The following BSND variants were observed in gnomAD, a reference collection of about 807,000 sequenced individuals.
BSND encodes barttin.
Under a neutral mutation model 18.8 loss-of-function variants are expected in BSND, and 13 were observed. The observed-to-expected ratio is 0.69, with a 90% CI of 0.45 to 1.10. BSND has a LOEUF of 1.10. Ranked by LOEUF, BSND falls within the 50% of genes least tolerant of loss-of-function variation. The pLI is 0.00. For synonymous variants in BSND, 170 were observed against 161.8 expected (o/e 1.05, Z -0.39); for missense variants, 379 against 416.7 (o/e 0.91, Z 0.79).
rs1644403055 is a variant in BSND, at chr1:55,008,423, C to A, written c.758C>A (p.Pro253His). ...GATGCCCCAACGTTGGAGGATGAGC[C>A]CCAAGAGGGGCAGCAGTGGGAAATA... ...LIDAPTLEDE[P>H]QEGQQWEIAL... The change falls in exon 4 of 4, where the codon CCC (proline) becomes CAC (histidine). Residue 253 changes from proline to histidine, a missense_variant. Physicochemically the swap from Pro to His is moderately conservative, Grantham distance 77 (BLOSUM62 -2). Coordinates refer to ENST00000651561, the MANE Select transcript of BSND (RefSeq NM_057176.3). 1 of 1,614,030 alleles carries A rather than the reference C, an allele frequency of 6.2e-7. No individual in the cohort carries two copies. Among genetic ancestry groups the A allele is most frequent in the Non-Finnish European group, 8.5e-7 (1 of 1,180,020 alleles).
Position 55,011,511 on chromosome 1 carries a change from AG to A in BSND, c.*2884del, listed in dbSNP as rs1644422418. On this transcript the variant is annotated 3_prime_UTR_variant, in exon 4 of 4. Coordinates refer to ENST00000651561, the MANE Select transcript of BSND (RefSeq NM_057176.3). ...TATCTTGTCAATGCCCTGCAGCCAAAGACCACTGGGAGCACACCTCACCTGT... is the reference window on the plus strand; with the variant it reads ...TATCTTGTCAATGCCCTGCAGCCAAAACCACTGGGAGCACACCTCACCTGT... 6.6e-6 allele frequency: 1 copy of A among 152,230 alleles called. No homozygotes were observed. The highest frequency in any genetic ancestry group is 2.1e-4 in the South Asian group (1 of 4,826). 9.4% of individuals were successfully genotyped at this position (152,230 alleles called of 1,614,324 possible).
At position 55,015,932 on chromosome 1, in the gene BSND, G is replaced by A. The variant is rs761722933; in HGVS notation, c.*7304G>A. ...AGCAGGGAGGGAGAACAGCTTGGGC[G>A]AAGCCTCCAGCCCTGAGCCACCCCA... is the stretch of plus-strand genomic sequence containing the variant. On this transcript the variant is annotated 3_prime_UTR_variant, in exon 4 of 4. Transcript: ENST00000651561. 6.6e-6 allele frequency among the ~76,000 whole-genome samples: 1 copy of A among 152,228 alleles called. No individual in the cohort carries two copies. The highest frequency in any genetic ancestry group is 2.4e-5 in the African/African-American group (1 of 41,470).
chr1:55,014,543 C>T lies in BSND; in HGVS notation c.*5915C>T, dbSNP rs903634336. On this transcript the variant is annotated 3_prime_UTR_variant, in exon 4 of 4. Transcript: ENST00000651561. ...CAGAGATGATGTTACAATGTGTAGACATCAGGTGCCCATGTGCACCTGGGT... is the reference window on the plus strand; with the variant it reads ...CAGAGATGATGTTACAATGTGTAGATATCAGGTGCCCATGTGCACCTGGGT... 2.6e-5 allele frequency among the ~76,000 whole-genome samples: 4 copies of T among 152,208 alleles called. No individual in the cohort carries two copies. The highest frequency in any genetic ancestry group is 9.6e-5 in the African/African-American group (4 of 41,468).
At chr1:55,004,256 T>A (rs114000201) in intron 1 of BSND, among the ~76,000 whole-genome samples, 171 of 152,394 alleles carry the variant, frequency 1.1e-3, no homozygotes, top group Non-Finnish European at 2.1e-3. Flanking sequence ...GGGTTGCATC[T>A]ACCTCTTGGC....
chr1:54,999,195 C>G lies in BSND; in HGVS notation c.9C>G (p.Asp3Glu), dbSNP rs141111550. The change falls in exon 1 of 4, where the codon GAC becomes GAG. Residue 3 changes from aspartate to glutamate, a missense_variant. Transcript: ENST00000651561. MA[D>E]EKTFRIGFIV... ...GGACTGGCCAGGCAGCCATGGCTGA[C>G]GAGAAGACCTTCCGGATCGGCTTCA... The G allele has an allele frequency of 3.7e-6, 6 of 1,613,978 alleles. No homozygotes were observed. In the African/African-American group the frequency reaches 4.0e-5, roughly 11 times the overall value.
At position 55,013,825 on chromosome 1, in the gene BSND, A is replaced by C. The variant is rs1213631460; in HGVS notation, c.*5197A>C. ...GCCCCATCCAGCTGAATCATCTGCC[A>C]TGTGCTCCCGTGCAGCAGCCCCGGC... On this transcript the variant is annotated 3_prime_UTR_variant, in exon 4 of 4. Coordinates refer to ENST00000651561, the MANE Select transcript of BSND (RefSeq NM_057176.3). Among the ~76,000 whole-genome samples, 3 of 152,062 alleles carry C rather than the reference A, an allele frequency of 2.0e-5. No homozygotes were observed. Among genetic ancestry groups the C allele is most frequent in the African/African-American group, 7.2e-5 (3 of 41,390 alleles).
intron 2 of BSND, among the ~76,000 whole-genome samples, chr1:55,005,714 C>CTGAG (rs1644386152): frequency 6.6e-6 from 1 of 152,224 alleles, no homozygotes; most frequent in Non-Finnish European, 1.5e-5. Context: ...GTGCCAGAGA[C>CTGAG]TGAGTCAGGC....
chr1:55,006,963 C>T, intron 2 of BSND, 34 bp from the exon 3 acceptor site: 1 of 1,613,154 alleles, frequency 6.2e-7, no homozygotes, highest in Non-Finnish European at 8.5e-7. Flanking sequence ...CTGAGTGACT[C>T]TTTGCCGCCT....
rs1644436402 is a variant in BSND, at chr1:55,014,042, C to T, written c.*5414C>T. Reference sequence around the variant, plus strand: ...CCGAATCCCTCCTAAACTGTGTGCCCCGCTCTGTCCCCAGCACTTCTGAAT... The same window carrying T: ...CCGAATCCCTCCTAAACTGTGTGCCTCGCTCTGTCCCCAGCACTTCTGAAT... On this transcript the variant is annotated 3_prime_UTR_variant, in exon 4 of 4. Coordinates refer to ENST00000651561, the MANE Select transcript of BSND (RefSeq NM_057176.3). Among the ~76,000 whole-genome samples the T allele has an allele frequency of 6.6e-6, 1 of 152,210 alleles. No homozygotes were observed. The highest frequency in any genetic ancestry group is 2.1e-4 in the South Asian group (1 of 4,826).
rs80300625 is a variant in BSND, at chr1:55,008,722, A to G, written c.*94A>G. 3.2e-3 allele frequency: 5,089 copies of G among 1,567,476 alleles called. 144 individuals are homozygous for G. The African/African-American group carries it at 0.062, about 19-fold the overall frequency. ...GTTTCCCTATCTGCAAAATGGGATG[A>G]TATGGAGGTTCAATGAGATGGTGGC... On this transcript the variant is annotated 3_prime_UTR_variant, in exon 4 of 4. Coordinates refer to ENST00000651561, the MANE Select transcript of BSND (RefSeq NM_057176.3).
In BSND at chr1:55,015,123, T is replaced by A. The variant is rs1477378326; in HGVS notation, c.*6495T>A. ...GCAGAGGAGTGACATGAAAGAAACA[T>A]TCAGGTCATATACTAACAGATACAA... On this transcript the variant is annotated 3_prime_UTR_variant, in exon 4 of 4. Coordinates refer to ENST00000651561, the MANE Select transcript of BSND (RefSeq NM_057176.3). 6.6e-6 allele frequency among the ~76,000 whole-genome samples: 1 copy of A among 152,154 alleles called. No homozygotes were observed. The highest frequency in any genetic ancestry group is 1.5e-5 in the Non-Finnish European group (1 of 68,026).
In BSND at chr1:55,012,249, T is replaced by C. The variant is rs1184821226; in HGVS notation, c.*3621T>C. Among the ~76,000 whole-genome samples the C allele has an allele frequency of 6.6e-6, 1 of 152,196 alleles. No homozygotes were observed. The highest frequency in any genetic ancestry group is 2.4e-5 in the African/African-American group (1 of 41,452). ...TGGGTGAGGGTGGGCAAGATTCCAC[T>C]TCTGCTCCCAGTCCCTGAGCACTGT... On this transcript the variant is annotated 3_prime_UTR_variant, in exon 4 of 4. Transcript: ENST00000651561.
chr1:55,005,219 C>A, intron 2 of BSND, 103 bp downstream of exon 2: 1 of 983,374 alleles, frequency 1.0e-6, no homozygotes. Context: ...TTTGCCTTCT[C>A]ACTTACTGAG....
intron 3 of BSND, 21 bp from the exon 4 acceptor site, chr1:55,008,193 T>G (rs1226221959): frequency 1.2e-6 from 2 of 1,608,502 alleles, no homozygotes; most frequent in Admixed American, 3.3e-5. Flanking sequence ...ACCCTTGCCC[T>G]TGTGGTCTTT....
At chr1:55,007,417 G>C in intron 3 of BSND, 145 bp downstream of exon 3, 1 of 1,108,460 alleles carries the variant, frequency 9.0e-7, no homozygotes, top group Non-Finnish European at 1.3e-6. Context: ...AGATGTGGCA[G>C]ATGTGGCAGA....
At position 55,007,217 on chromosome 1, in the gene BSND, C is replaced by T; in HGVS notation, c.493C>T (p.His165Tyr). 5 of 1,613,978 alleles carry T rather than the reference C, an allele frequency of 3.1e-6. No homozygotes were observed. Among genetic ancestry groups the T allele is most frequent in the Non-Finnish European group, 4.2e-6 (5 of 1,179,850 alleles). ...CTGGATGGAGGCTGCCGTGGTCATCCACAAGGGCTCAGACGAGAGTGAAGG... is the reference window on the plus strand; with the variant it reads ...CTGGATGGAGGCTGCCGTGGTCATCTACAAGGGCTCAGACGAGAGTGAAGG... ...QAWMEAAVVIHKGSDESEGER... is the reference protein window; with the variant it reads ...QAWMEAAVVIYKGSDESEGER... The change falls in exon 3 of 4, where the codon CAC becomes TAC. Residue 165 changes from histidine (H) to tyrosine (Y), a missense_variant. Coordinates refer to ENST00000651561, the MANE Select transcript of BSND (RefSeq NM_057176.3).
In BSND at chr1:55,013,018, G is replaced by A. The variant is rs1644430157; in HGVS notation, c.*4390G>A. ...GGGAGAAACTGATATTCAAACATAGGTCCTCTGAGCCTGTGCTCTTCCCAC... is the reference window on the plus strand; with the variant it reads ...GGGAGAAACTGATATTCAAACATAGATCCTCTGAGCCTGTGCTCTTCCCAC... On this transcript the variant is annotated 3_prime_UTR_variant, in exon 4 of 4. Coordinates refer to ENST00000651561, the MANE Select transcript of BSND (RefSeq NM_057176.3). Among the ~76,000 whole-genome samples the A allele has an allele frequency of 6.6e-6, 1 of 151,986 alleles. No individual in the cohort carries two copies. Among genetic ancestry groups the A allele is most frequent in the Non-Finnish European group, 1.5e-5 (1 of 68,026 alleles).
rs937450652 is a variant in BSND at position 55,002,427 on chromosome 1, C to T, written c.178-2595C>T. 2.0e-5 allele frequency among the ~76,000 whole-genome samples: 3 copies of T among 152,334 alleles called. No homozygotes were observed. The East Asian group carries it at 5.8e-4, about 29-fold the overall frequency. On this transcript the variant is annotated intron_variant, in intron 1 of 3. Coordinates refer to ENST00000651561, the MANE Select transcript of BSND (RefSeq NM_057176.3). The stretch of plus-strand genomic sequence containing the variant: ...GGTCTCTGCCCACGCATCCCCCATT[C>T]CTCACTCCTGCCTGCTGTGCTGGAG...
Position 55,014,313 on chromosome 1 carries a change from C to A in BSND, c.*5685C>A, listed in dbSNP as rs140301300. On this transcript the variant is annotated 3_prime_UTR_variant, in exon 4 of 4. Transcript: ENST00000651561. Reference sequence around the variant, plus strand: ...AAACAGCGCTGGGTTTGAGACTAGGCTTCCCTACTGGCCAGCTCTGTGACT... The same window carrying A: ...AAACAGCGCTGGGTTTGAGACTAGGATTCCCTACTGGCCAGCTCTGTGACT... 6.9e-4 allele frequency among the ~76,000 whole-genome samples: 105 copies of A among 152,338 alleles called. No homozygotes were observed. Among genetic ancestry groups the A allele is most frequent in the Non-Finnish European group, 1.2e-3 (79 of 68,028 alleles).
Sources: gnomAD v4.1 joint callset for allele counts (sites outside exome capture counted in the v4.1 genomes callset) on GRCh38, gnomAD v4.1.1 for gene constraint, MANE v1.5 for transcripts, NCBI Gene and HGNC (gene_info 2026-07-23, HGNC 2026-07-21) for gene names.